RBM38: variants seen among roughly 807,000 people sequenced by gnomAD.
RBM38 encodes RNA binding motif protein 38.
In RBM38, 11 loss-of-function variants were observed where a neutral mutation model predicts 23.5. The observed-to-expected ratio is 0.47, with a 90% CI of 0.29 to 0.77. The LOEUF (loss-of-function observed/expected upper bound fraction) is 0.77. Among genes scored for constraint, RBM38 ranks in the 30% least tolerant of loss-of-function variants. The probability of loss-of-function intolerance (pLI) is 0.08; values close to 1 mark genes in which losing one functional copy is unlikely to be tolerated. For missense variants in RBM38, 330 were observed against 351.9 expected, an observed-to-expected ratio of 0.94 and a Z score of 0.50; for synonymous variants, 165 against 166.1, an observed-to-expected ratio of 0.99 and a Z score of 0.05.
intron 3 of RBM38, chr20:57,399,981 C>T (rs148729133): frequency 6.6e-6 from 3 of 456,172 alleles, no homozygotes; most frequent in Admixed American, 2.3e-5. Context: ...CAGTTCTTTT[C>T]GCTGCGAGTT....
At chr20:57,399,804 C>T (rs1483043287) in intron 3 of RBM38, 2 of 446,442 alleles carry the variant, frequency 4.5e-6, no homozygotes, top group African/African-American at 2.0e-5. Flanking sequence ...GACCTTCCCA[C>T]ACCCAGCCAG....
chr20:57,405,129 C>A (rs2067368418), intron 3 of RBM38, among the ~76,000 whole-genome samples: 1 of 152,206 alleles, frequency 6.6e-6, no homozygotes, highest in South Asian at 2.1e-4. Flanking sequence ...CTTCAAGAAG[C>A]CACCCTGGCC....
chr20:57,403,568 CCT>C, intron 3 of RBM38, among the ~76,000 whole-genome samples: 1 of 152,310 alleles, frequency 6.6e-6, no homozygotes, highest in South Asian at 2.1e-4. Flanking sequence ...TCGCTTGGGG[CCT>C]CTCTGAACCT....
intron 3 of RBM38, among the ~76,000 whole-genome samples, chr20:57,395,709 G>A (rs2067267339): frequency 6.6e-6 from 1 of 152,208 alleles, no homozygotes; most frequent in Admixed American, 6.5e-5. Context: ...GAGGCAGCGG[G>A]GCAGGCTGCC....
In RBM38 at chr20:57,407,771, C is replaced by G. The variant is rs762894456; in HGVS notation, c.645C>G (p.Leu215=). The G allele has an allele frequency of 1.9e-6, 3 of 1,608,354 alleles. No individual in the cohort carries two copies. Among genetic ancestry groups the G allele is most frequent in the African/African-American group, 2.7e-5 (2 of 74,882 alleles). ...ACCCTGCCGCCGTGCCCCAGGCCCT[C>G]TCAGCCGCAGCACCCGCGGGCACCA... is the stretch of plus-strand genomic sequence containing the variant. ...YSYPAAVPQA[L]SAAAPAGTTF... is the part of the protein sequence containing the mutation. Residue 215 remains leucine, a synonymous_variant, in exon 4 of 4, where the codon CTC becomes CTG. Coordinates refer to ENST00000356208, the MANE Select transcript of RBM38 (RefSeq NM_017495.6). This position sits in a 1 kb window ranked among gnomAD's most constrained non-coding sequence, Gnocchi z 4.0.
chr20:57,400,144 A>G (rs1411468501), intron 3 of RBM38, among the ~76,000 whole-genome samples: 1 of 152,114 alleles, frequency 6.6e-6, no homozygotes, highest in Non-Finnish European at 1.5e-5. Flanking sequence ...ACAGATGGGG[A>G]AACAGAGGCC....
chr20:57,396,043 A>G (rs1467799940), intron 3 of RBM38, among the ~76,000 whole-genome samples: 1 of 152,158 alleles, frequency 6.6e-6, no homozygotes, highest in Non-Finnish European at 1.5e-5. Flanking sequence ...AACTCTGAAG[A>G]TCCCACAGCT....
At chr20:57,405,418 C>G (rs990646522) in intron 3 of RBM38, among the ~76,000 whole-genome samples, 7 of 152,230 alleles carry the variant, frequency 4.6e-5, no homozygotes, top group African/African-American at 1.7e-4. Context: ...GGCTTCTAAC[C>G]TGGGGAGAGG....
In RBM38 at chr20:57,407,923, G is replaced by A. The variant is rs924401044; in HGVS notation, c.*77G>A. 1.4e-5 allele frequency: 20 copies of A among 1,474,220 alleles called. No homozygotes were observed. The highest frequency in any genetic ancestry group is 1.1e-4 in the African/African-American group (8 of 71,886). 91.3% of individuals were successfully genotyped at this position (1,474,220 alleles called of 1,614,324 possible). A position where few individuals can be genotyped will look rare whatever the true frequency, so the allele number is the denominator to read the frequency against. On this transcript the variant is annotated 3_prime_UTR_variant, in exon 4 of 4. Coordinates refer to ENST00000356208, the MANE Select transcript of RBM38 (RefSeq NM_017495.6). The surrounding 1 kb of genome is among the most constrained non-coding windows in gnomAD (Gnocchi z 4.0). The stretch of plus-strand genomic sequence containing the variant: ...AGCTGCCAGGCCATGATGGGCTGGC[G>A]ACAGCCCGGCTGAGCTTCAGTGAGG...
chr20:57,405,665 G>A (rs1370160038), intron 3 of RBM38, among the ~76,000 whole-genome samples: 4 of 152,226 alleles, frequency 2.6e-5, no homozygotes, highest in Admixed American at 6.5e-5. Context: ...GGTTTCCACC[G>A]TTGCTGTAGG....
rs1277741663 is a variant in RBM38 at position 57,392,860 on chromosome 20, C to T, written c.361+83C>T. ...TCTGTCGGGTGGAAAGAGGCCCCCCCTCCTCGCCCCAGCAGTGGCAGTCGG... is the reference window on the plus strand; with the variant it reads ...TCTGTCGGGTGGAAAGAGGCCCCCCTTCCTCGCCCCAGCAGTGGCAGTCGG... On this transcript the variant is annotated intron_variant, in intron 2 of 3. Transcript: ENST00000356208. 5.8e-6 allele frequency: 9 copies of T among 1,539,848 alleles called. No homozygotes were observed. In the Admixed American group the frequency reaches 7.6e-5, roughly 13 times the overall value.
chr20:57,401,339 G>A (rs1040413645), intron 3 of RBM38, among the ~76,000 whole-genome samples: 53 of 152,184 alleles, frequency 3.5e-4, no homozygotes, highest in Non-Finnish European at 4.4e-5. Context: ...AGAGGCTGGC[G>A]GGCTGTGCCT....
In RBM38 at chr20:57,408,303, C is replaced by G. The variant is rs1015691404; in HGVS notation, c.*457C>G. The G allele has an allele frequency of 1.0e-5, 2 of 200,880 alleles. No homozygotes were observed. The highest frequency in any genetic ancestry group is 5.2e-5 in the Admixed American group (1 of 19,118). 12.4% of individuals were successfully genotyped at this position (200,880 alleles called of 1,614,324 possible). ...GAAGTTAATGGACTGTTTATTGTAA[C>G]TTGATCCTCCCGAGCTGTGAGCGCA... On this transcript the variant is annotated 3_prime_UTR_variant, in exon 4 of 4. Transcript: ENST00000356208.
Position 57,407,851 on chromosome 20 carries a change from C to T in RBM38, c.*5C>T, listed in dbSNP as rs755742871. The T allele has an allele frequency of 1.3e-5, 20 of 1,551,950 alleles. No homozygotes were observed. In the East Asian group the frequency reaches 3.8e-4, roughly 30 times the overall value. ...CAGCCTGACAGGATGCAGTGAGGGG[C>T]GTTCCTGCCCCGAGGACTGTGGCAT... On this transcript the variant is annotated 3_prime_UTR_variant, in exon 4 of 4. Coordinates refer to ENST00000356208, the MANE Select transcript of RBM38 (RefSeq NM_017495.6). The surrounding 1 kb of genome is among the most constrained non-coding windows in gnomAD (Gnocchi z 4.0).
In RBM38 at chr20:57,408,314, C is replaced by A. The variant is rs774374478; in HGVS notation, c.*468C>A. The A allele has an allele frequency of 1.1e-5, 2 of 186,502 alleles. No individual in the cohort carries two copies. Among genetic ancestry groups the A allele is most frequent in the Non-Finnish European group, 2.3e-5 (2 of 87,086 alleles). The allele number at this position is 186,502 out of a possible 1,614,324, so 11.6% of individuals were successfully genotyped here. A position where few individuals can be genotyped will look rare whatever the true frequency, so the allele number is the denominator to read the frequency against. ...ACTGTTTATTGTAACTTGATCCTCC[C>A]GAGCTGTGAGCGCAGTCTGAGGTGT... On this transcript the variant is annotated 3_prime_UTR_variant, in exon 4 of 4. Transcript: ENST00000356208.
At chr20:57,403,540 G>A (rs2067350803) in intron 3 of RBM38, among the ~76,000 whole-genome samples, 1 of 152,222 alleles carries the variant, frequency 6.6e-6, no homozygotes, top group African/African-American at 2.4e-5. Flanking sequence ...CCAGTCCCTT[G>A]CTCTGCGATG....
intron 3 of RBM38, among the ~76,000 whole-genome samples, chr20:57,393,945 C>T (rs1485595363): frequency 1.3e-5 from 2 of 152,094 alleles, no homozygotes; most frequent in Non-Finnish European, 2.9e-5. Context: ...CACCTCCCTG[C>T]CCTTTTTTAA....
chr20:57,407,412 T>C lies in RBM38; in HGVS notation c.417-131T>C, dbSNP rs1370553898. Reference sequence around the variant, plus strand: ...GCAGCATCTGGCCAGGTGCTGTTTCTGTGCCCATCTGACCGATGAGGAAAG... The same window carrying C: ...GCAGCATCTGGCCAGGTGCTGTTTCCGTGCCCATCTGACCGATGAGGAAAG... On this transcript the variant is annotated intron_variant, in intron 3 of 3. Transcript: ENST00000356208. The surrounding 1 kb of genome is among the most constrained non-coding windows in gnomAD (Gnocchi z 4.0). 8.6e-6 allele frequency: 9 copies of C among 1,051,226 alleles called. No homozygotes were observed. The highest frequency in any genetic ancestry group is 1.3e-5 in the Non-Finnish European group (9 of 717,394). The allele number at this position is 1,051,226 out of a possible 1,614,324, so 65.1% of individuals were successfully genotyped here.
chr20:57,404,298 C>T (rs2067359586), intron 3 of RBM38, among the ~76,000 whole-genome samples: 1 of 152,270 alleles, frequency 6.6e-6, no homozygotes, highest in African/African-American at 2.4e-5. Context: ...TTGCACATTC[C>T]TGGGCCCCAT....
Sources: allele counts gnomAD v4.1 joint callset (sites outside exome capture counted in the v4.1 genomes callset), GRCh38; gene constraint gnomAD v4.1.1; non-coding constraint Gnocchi (gnomAD v3.1); transcripts MANE v1.5; gene names NCBI Gene and HGNC (gene_info 2026-07-23, HGNC 2026-07-21).